ZFHX3: variants seen among roughly 807,000 people sequenced by gnomAD.
ZFHX3 encodes zinc finger homeobox 3, also known as zinc finger homeobox protein 3.
A neutral mutation model predicts 279.1 loss-of-function variants in ZFHX3; 42 were observed. That is an observed-to-expected ratio of 0.15 (90% confidence interval 0.12 to 0.19). The LOEUF is 0.19. Among genes scored for constraint, ZFHX3 ranks in the 10% least tolerant of loss-of-function variants. ZFHX3 has a pLI of 1.00. For missense variants in ZFHX3, 4,981 were observed against 4,754.0 expected (o/e 1.05, Z -1.40); for synonymous variants, 2,293 against 1,957.8 (o/e 1.17, Z -4.52).
At chr16:72,858,006 G>A (rs2037794870) in intron 4 of ZFHX3, among the ~76,000 whole-genome samples, 1 of 152,230 alleles carries the variant, frequency 6.6e-6, no homozygotes, top group African/African-American at 2.4e-5. Context: ...CTGAAAGGCG[G>A]GGCAGCCAAT....
intron 1 of ZFHX3, chr16:73,812,651 G>C (rs1403655034): frequency 6.6e-6 from 1 of 152,198 alleles, no homozygotes; most frequent in African/African-American, 2.4e-5. Flanking sequence ...GTAAGAGCTA[G>C]CCCTTTTCTA....
chr16:73,730,134 T>C (rs1393508969), intron 1 of ZFHX3, among the ~76,000 whole-genome samples: 2 of 151,836 alleles, frequency 1.3e-5, no homozygotes, highest in East Asian at 1.9e-4. Flanking sequence ...ATAGAACAGG[T>C]TGCTACTTTT....
Position 73,644,639 on chromosome 16 carries a change from C to T in ZFHX3, c.-1547+35541G>A, listed in dbSNP as rs1040808529. Reference sequence around the variant, plus strand: ...TTGTGCCACTGCACTCCACCCTGGGCGACAGAGCGAGACTCTTTCTCAAAA... The same window carrying T: ...TTGTGCCACTGCACTCCACCCTGGGTGACAGAGCGAGACTCTTTCTCAAAA... On this transcript the variant is annotated intron_variant, in intron 2 of 17. Transcript: ENST00000641206. Among the ~76,000 whole-genome samples, 19 of 151,912 alleles carry T rather than the reference C, an allele frequency of 1.3e-4. No homozygotes were observed. In the South Asian group the frequency reaches 2.3e-3, roughly 18 times the overall value.
intron 9 of ZFHX3, chr16:72,790,500 TG>T (rs1184760728): frequency 6.6e-6 from 1 of 152,218 alleles, no homozygotes; most frequent in East Asian, 1.9e-4. Flanking sequence ...TGCAGATTTC[TG>T]GCTATCATGG....
intron 2 of ZFHX3, among the ~76,000 whole-genome samples, chr16:73,540,329 G>A (rs2019988911): frequency 6.6e-6 from 1 of 152,188 alleles, no homozygotes; most frequent in Non-Finnish European, 1.5e-5. Flanking sequence ...TTTCCAAATA[G>A]TTAAAGTCAC....
At chr16:73,192,152 C>T (rs1258918700) in intron 5 of ZFHX3, among the ~76,000 whole-genome samples, 3 of 152,162 alleles carry the variant, frequency 2.0e-5, no homozygotes, top group African/African-American at 7.2e-5. Flanking sequence ...TACCTTCCCT[C>T]CAGCTCTGGA....
At chr16:73,530,813 C>G (rs1161731853) in intron 2 of ZFHX3, among the ~76,000 whole-genome samples, 5 of 152,118 alleles carry the variant, frequency 3.3e-5, no homozygotes, top group Non-Finnish European at 7.4e-5. Flanking sequence ...GAGGTCATGC[C>G]TGCATTTTAT....
chr16:72,829,913 C>A, intron 4 of ZFHX3, 54 bp from the exon 5 acceptor site: 1 of 1,600,298 alleles, frequency 6.2e-7, no homozygotes, highest in Non-Finnish European at 8.6e-7. Flanking sequence ...AGATGAAGGA[C>A]TTTTGGCCTC....
exon 1 of ZFHX3, chr16:73,059,004 A>G: frequency 6.3e-6 from 1 of 158,574 alleles, no homozygotes; most frequent in Non-Finnish European, 1.4e-5. Flanking sequence ...GACGCGCTGG[A>G]AGTGGGAGCT....
chr16:73,578,208 G>T (rs1215421010), intron 2 of ZFHX3, among the ~76,000 whole-genome samples: 1 of 152,146 alleles, frequency 6.6e-6, no homozygotes, highest in African/African-American at 2.4e-5. Context: ...AGGTACTTCT[G>T]TCAGACAACT....
chr16:73,741,560 C>T (rs1420453705), intron 1 of ZFHX3, among the ~76,000 whole-genome samples: 1 of 152,170 alleles, frequency 6.6e-6, no homozygotes, highest in African/African-American at 2.4e-5. Context: ...CTCCAAGCAG[C>T]TCTGGGCAGC....
intron 1 of ZFHX3, among the ~76,000 whole-genome samples, chr16:73,811,898 C>T (rs1960438028): frequency 6.6e-6 from 1 of 152,298 alleles, no homozygotes; most frequent in Admixed American, 6.5e-5. Context: ...TCTCAGAACA[C>T]AACTCTAGTT....
Position 72,919,344 on chromosome 16 carries a change from G to T in ZFHX3, c.3217-29382C>A, listed in dbSNP as rs1472344929. On this transcript the variant is annotated intron_variant, in intron 3 of 9. Coordinates refer to ENST00000268489, the MANE Select transcript of ZFHX3 (RefSeq NM_006885.4). Reference sequence around the variant, plus strand: ...TGGCTAATTTTTGTATTTTTTTGTAGAGATGGGGGTTTCACCATGCTACGC... The same window carrying T: ...TGGCTAATTTTTGTATTTTTTTGTATAGATGGGGGTTTCACCATGCTACGC... 2.0e-5 allele frequency among the ~76,000 whole-genome samples: 3 copies of T among 151,954 alleles called. No homozygotes were observed. In the East Asian group the frequency reaches 5.8e-4, roughly 29 times the overall value.
chr16:72,957,799 C>T lies in ZFHX3; in HGVS notation c.2347G>A (p.Ala783Thr), dbSNP rs775988108. Residue 783 changes from alanine to threonine, a missense_variant, in exon 2 of 10, where the codon GCA becomes ACA. Ala to Thr is a moderately conservative substitution (Grantham distance 58). Around this residue, in one of 7 missense-constraint regions of ZFHX3, gnomAD observed 1,751 missense variants for 1,770.0 expected, o/e 0.99. Transcript: ENST00000268489. ...AAAAVAAAAA[A>T]ANISSSCGAP... Reference sequence around the variant, plus strand: ...CCGCAGGAGCTACTGATATTGGCTGCCGCCGCCGCCGCAGCCACCGCCGCC... The same window carrying T: ...CCGCAGGAGCTACTGATATTGGCTGTCGCCGCCGCCGCAGCCACCGCCGCC... The T allele has an allele frequency of 5.3e-6, 7 of 1,327,628 alleles. No individual in the cohort carries two copies. In the South Asian group the frequency reaches 7.8e-5, roughly 15 times the overall value. The allele number at this position is 1,327,628 out of a possible 1,614,324, so 82.2% of individuals were successfully genotyped here. A position where few individuals can be genotyped will look rare whatever the true frequency, so the allele number is the denominator to read the frequency against.
chr16:73,131,996 G>A (rs529600025), intron 6 of ZFHX3, among the ~76,000 whole-genome samples: 2 of 152,176 alleles, frequency 1.3e-5, no homozygotes, highest in South Asian at 2.1e-4. Context: ...TGATGCAAGA[G>A]GGATGAGGGT....
chr16:73,655,086 C>T (rs1256529683), intron 2 of ZFHX3, among the ~76,000 whole-genome samples: 3 of 151,996 alleles, frequency 2.0e-5, no homozygotes, highest in African/African-American at 4.8e-5. Flanking sequence ...GTCTCAAATT[C>T]CTGACCTCAA....
chr16:73,154,069 G>A (rs1026651464), intron 5 of ZFHX3, among the ~76,000 whole-genome samples: 16 of 152,242 alleles, frequency 1.1e-4, no homozygotes, highest in Admixed American at 5.2e-4. Context: ...ACGTGATGCT[G>A]GGGTGAAGGC....
chr16:73,054,451 T>TC (rs1243347718), intron 1 of ZFHX3, among the ~76,000 whole-genome samples: 1 of 150,268 alleles, frequency 6.7e-6, no homozygotes, highest in Non-Finnish European at 1.5e-5. Context: ...GATTTTTTTT[T>TC]TTTTTTTTTT....
intron 3 of ZFHX3, chr16:73,401,558 G>C (rs925787661): frequency 1.3e-5 from 2 of 151,974 alleles, no homozygotes; most frequent in African/African-American, 2.4e-5. Context: ...GACACGCAGC[G>C]ACAGGGGACG....
Sources: gnomAD v4.1 joint callset for allele counts (sites outside exome capture counted in the v4.1 genomes callset) on GRCh38, gnomAD v4.1.1 for gene constraint, gnomAD v4.1.1 regional missense constraint, MANE v1.5 for transcripts, NCBI Gene and HGNC (gene_info 2026-07-23, HGNC 2026-07-21) for gene names.